Variants in CLIP1 observed in about 807,000 individuals in gnomAD.
CLIP1 encodes CAP-Gly domain-containing linker protein 1.
CLIP1 carries 66 observed loss-of-function variants against 161.6 expected under a neutral mutation model. The ratio of observed to expected loss-of-function variants is 0.41; its 90% CI spans 0.33 to 0.50. CLIP1 has a LOEUF of 0.50. CLIP1 is among the 20% of genes least tolerant of loss of function. CLIP1 has a pLI of 0.27. For synonymous variants in CLIP1, 598 were observed against 626.2 expected, an observed-to-expected ratio of 0.96 and a Z score of 0.67; for missense variants, 1,376 against 1,702.0, an observed-to-expected ratio of 0.81 and a Z score of 3.37.
intron 3 of CLIP1, among the ~76,000 whole-genome samples, chr12:122,375,242 TCA>T (rs1954660352): frequency 6.6e-6 from 1 of 152,050 alleles, no homozygotes; most frequent in Non-Finnish European, 1.5e-5. Context: ...TGCTTATTAG[TCA>T]AACAGTAGCT....
At chr12:122,308,011 G>A (rs918550430) in intron 20 of CLIP1, among the ~76,000 whole-genome samples, 2 of 152,166 alleles carry the variant, frequency 1.3e-5, no homozygotes, top group Non-Finnish European at 1.5e-5. Flanking sequence ...TCTGCAAAGT[G>A]CCTGATTTTT....
intron 11 of CLIP1, among the ~76,000 whole-genome samples, chr12:122,339,045 T>C (rs1952371837): frequency 1.3e-5 from 2 of 152,174 alleles, no homozygotes; most frequent in South Asian, 4.1e-4. Context: ...TGAGCATCAA[T>C]ACCAGTGCCT....
At chr12:122,360,315 G>A (rs1321798721) in intron 5 of CLIP1, among the ~76,000 whole-genome samples, 2 of 149,950 alleles carry the variant, frequency 1.3e-5, no homozygotes, top group African/African-American at 4.9e-5. Context: ...GCTCACGCCT[G>A]TAAATCCCAA....
chr12:122,408,019 T>C (rs1234806100), intron 1 of CLIP1, among the ~76,000 whole-genome samples: 1 of 151,932 alleles, frequency 6.6e-6, no homozygotes, highest in Non-Finnish European at 1.5e-5. Context: ...GCAAATCACC[T>C]GAGGTCAGGA....
intron 21 of CLIP1, among the ~76,000 whole-genome samples, chr12:122,286,566 TATC>T (rs1028769733): frequency 2.8e-5 from 4 of 142,884 alleles, no homozygotes; most frequent in African/African-American, 1.0e-4. Context: ...GACAAAGACT[TATC>T]AGGGGCACGG....
At chr12:122,338,693 C>T (rs1288808323) in intron 11 of CLIP1, among the ~76,000 whole-genome samples, 2 of 151,794 alleles carry the variant, frequency 1.3e-5, no homozygotes, top group Non-Finnish European at 2.9e-5. Context: ...CTCCAGCCTG[C>T]GCAACAGAGT....
intron 20 of CLIP1, among the ~76,000 whole-genome samples, chr12:122,308,447 A>G (rs1334390176): frequency 6.6e-6 from 1 of 152,210 alleles, no homozygotes; most frequent in Non-Finnish European, 1.5e-5. Flanking sequence ...CTGCTGGTCA[A>G]TGGGCTTCCA....
intron 9 of CLIP1, among the ~76,000 whole-genome samples, chr12:122,349,710 G>A (rs1952927197): frequency 1.3e-5 from 2 of 152,240 alleles, no homozygotes; most frequent in Non-Finnish European, 2.9e-5. Context: ...GATTGAGAAG[G>A]AAAGCAAAGG....
At chr12:122,404,779 T>C (rs529478182) in intron 1 of CLIP1, among the ~76,000 whole-genome samples, 4 of 147,266 alleles carry the variant, frequency 2.7e-5, no homozygotes, top group Admixed American at 1.4e-4. Flanking sequence ...GGCGGGCGCC[T>C]GTAGTCCCAA....
At chr12:122,331,774 C>A (rs1323331617) in intron 15 of CLIP1, among the ~76,000 whole-genome samples, 1 of 151,016 alleles carries the variant, frequency 6.6e-6, no homozygotes, top group Non-Finnish European at 1.5e-5. Context: ...GCGGCCAGAT[C>A]GCCTGAGGTC....
chr12:122,382,480 G>A (rs1467061208), intron 1 of CLIP1, among the ~76,000 whole-genome samples: 1 of 151,668 alleles, frequency 6.6e-6, no homozygotes, highest in Non-Finnish European at 1.5e-5. Flanking sequence ...GTGAGCCTAG[G>A]CAACTGAGCG....
At chr12:122,385,382 T>C (rs1457105334) in intron 1 of CLIP1, among the ~76,000 whole-genome samples, 1 of 152,154 alleles carries the variant, frequency 6.6e-6, no homozygotes, top group East Asian at 1.9e-4. Flanking sequence ...CGACACTGGA[T>C]GCTCAGATGT....
intron 9 of CLIP1, among the ~76,000 whole-genome samples, chr12:122,349,956 G>C (rs1286370392): frequency 1.3e-5 from 2 of 151,534 alleles, no homozygotes; most frequent in African/African-American, 4.8e-5. Context: ...CCAGGCTGGA[G>C]TGCAGTGGCA....
chr12:122,298,641 A>C (rs1401066544), intron 20 of CLIP1, among the ~76,000 whole-genome samples: 1 of 151,450 alleles, frequency 6.6e-6, no homozygotes, highest in Non-Finnish European at 1.5e-5. Flanking sequence ...AAATACATTC[A>C]CATTGTCCTT....
intron 19 of CLIP1, among the ~76,000 whole-genome samples, chr12:122,314,874 G>C (rs141550344): frequency 4.6e-4 from 70 of 152,302 alleles, no homozygotes; most frequent in African/African-American, 1.6e-3. Context: ...TTCTATTTGT[G>C]TCACTTGATG....
intron 18 of CLIP1, among the ~76,000 whole-genome samples, chr12:122,318,200 C>A (rs1951342897): frequency 6.6e-6 from 1 of 152,136 alleles, no homozygotes; most frequent in Non-Finnish European, 1.5e-5. Flanking sequence ...ACTGCCTCCC[C>A]CTTGCTTTCC....
In CLIP1 at chr12:122,316,783, C is replaced by T; in HGVS notation, c.3439G>A (p.Glu1147Lys). Residue 1147 changes from glutamate to lysine, a missense_variant, in exon 19 of 26, where the codon GAG becomes AAG. By Grantham distance (56) the Glu-to-Lys change is moderately conservative. Transcript: ENST00000620786. ...CTAAATTCTTCCATTTTTTGATTCT[C>T]TACAGTCAGGAGTTCTTTTGATTTG... is the stretch of plus-strand genomic sequence containing the variant. Reference protein sequence around the residue: ...LNKSKELLTVENQKMEEFRKE... With the variant: ...LNKSKELLTVKNQKMEEFRKE... 1 of 1,588,496 alleles carries T rather than the reference C, an allele frequency of 6.3e-7. No individual in the cohort carries two copies. Among genetic ancestry groups the T allele is most frequent in the Admixed American group, 1.8e-5 (1 of 55,516 alleles).
chr12:122,312,742 G>GC (rs1000132607), intron 19 of CLIP1, among the ~76,000 whole-genome samples: 2 of 152,108 alleles, frequency 1.3e-5, no homozygotes, highest in Admixed American at 6.6e-5. Flanking sequence ...TCTAGCTAGG[G>GC]CAACAGAGTG....
intron 21 of CLIP1, among the ~76,000 whole-genome samples, chr12:122,285,251 G>A (rs1229535801): frequency 7.0e-6 from 1 of 141,958 alleles, no homozygotes; most frequent in Non-Finnish European, 1.5e-5. Flanking sequence ...TTTTTGAGAC[G>A]GAGTCTTGCT....
Sources: gnomAD v4.1 joint callset for allele counts (sites outside exome capture counted in the v4.1 genomes callset) on GRCh38, gnomAD v4.1.1 for gene constraint, MANE v1.5 for transcripts, NCBI Gene and HGNC (gene_info 2026-07-23, HGNC 2026-07-21) for gene names.